The following MAP4K4 variants were observed in gnomAD, a reference collection of about 807,000 sequenced individuals.
The protein encoded by MAP4K4 is mitogen-activated protein kinase kinase kinase kinase 4.
In MAP4K4, 38 loss-of-function variants were observed where a neutral mutation model predicts 189.6. That is an observed-to-expected ratio of 0.20 (90% confidence interval 0.15 to 0.26). The LOEUF (loss-of-function observed/expected upper bound fraction) is 0.26, where lower values mean the gene tolerates loss of function less well. MAP4K4 is among the 10% of genes least tolerant of loss of function. MAP4K4 has a pLI of 1.00. For missense variants in MAP4K4, 1,054 were observed against 1,726.9 expected (o/e 0.61, Z 6.91); for synonymous variants, 610 against 624.3 (o/e 0.98, Z 0.34).
At chr2:101,797,848 G>C (rs1487396005) in intron 3 of MAP4K4, among the ~76,000 whole-genome samples, 2 of 117,126 alleles carry the variant, frequency 1.7e-5, no homozygotes, top group African/African-American at 3.3e-5. Flanking sequence ...CCGTTTTTTT[G>C]ACTGTCTCCT....
At chr2:101,767,683 A>T (rs1190028178) in intron 2 of MAP4K4, among the ~76,000 whole-genome samples, 1 of 152,216 alleles carries the variant, frequency 6.6e-6, no homozygotes, top group Non-Finnish European at 1.5e-5. Context: ...CTCAGCAGGC[A>T]GAGTTCATGC....
At chr2:101,796,347 A>G (rs1219859857) in intron 3 of MAP4K4, among the ~76,000 whole-genome samples, 1 of 152,120 alleles carries the variant, frequency 6.6e-6, no homozygotes, top group African/African-American at 2.4e-5. Context: ...AAAAAATTCT[A>G]ATGCACCTTT....
chr2:101,812,985 T>C (rs1028218183), intron 3 of MAP4K4, among the ~76,000 whole-genome samples: 6 of 152,020 alleles, frequency 3.9e-5, no homozygotes, highest in Admixed American at 1.3e-4. Flanking sequence ...AAAAATTAGC[T>C]GGGCACGGTG....
At chr2:101,770,073 CTTCA>C (rs1204753001) in intron 2 of MAP4K4, among the ~76,000 whole-genome samples, 6 of 152,158 alleles carry the variant, frequency 3.9e-5, no homozygotes, top group South Asian at 2.1e-4. Context: ...GATGAGCTCA[CTTCA>C]TTCATATCTC....
intron 3 of MAP4K4, among the ~76,000 whole-genome samples, chr2:101,806,531 G>C (rs1009244275): frequency 1.4e-4 from 21 of 151,928 alleles, no homozygotes; most frequent in African/African-American, 5.1e-4. Flanking sequence ...ACGTGCCACC[G>C]TGCCCGGCTT....
intron 2 of MAP4K4, among the ~76,000 whole-genome samples, chr2:101,765,218 G>T (rs1373029746): frequency 6.6e-6 from 1 of 152,158 alleles, no homozygotes; most frequent in Non-Finnish European, 1.5e-5. Flanking sequence ...GGAGGAAGGG[G>T]TATTGGGAAT....
intron 2 of MAP4K4, among the ~76,000 whole-genome samples, chr2:101,700,263 G>T (rs545843078): frequency 6.6e-6 from 1 of 152,330 alleles, no homozygotes; most frequent in African/African-American, 2.4e-5. Flanking sequence ...TATGGTAAGA[G>T]TTTAGTCAGG....
rs943554182 is a variant in MAP4K4, at chr2:101,747,738, A to C, written c.124-42982A>C. Among the ~76,000 whole-genome samples the C allele has an allele frequency of 2.6e-5, 4 of 152,182 alleles. No individual in the cohort carries two copies. The East Asian group carries it at 7.7e-4, about 29-fold the overall frequency. ...TAGAGATTAGAAAAGCTCTCTGAGG[A>C]AAAAATTAACCAGCAAACAAACAAA... is the stretch of plus-strand genomic sequence containing the variant. On this transcript the variant is annotated intron_variant, in intron 2 of 32. Transcript: ENST00000324219.
intron 22 of MAP4K4, 62 bp downstream of exon 22, chr2:101,869,859 G>A: frequency 6.8e-7 from 1 of 1,462,460 alleles, no homozygotes; most frequent in Non-Finnish European, 9.0e-7. Flanking sequence ...CTTTCCACTG[G>A]GACCTAGTTG....
chr2:101,756,708 C>A (rs1430006568), intron 2 of MAP4K4, among the ~76,000 whole-genome samples: 4 of 151,478 alleles, frequency 2.6e-5, no homozygotes, highest in Non-Finnish European at 5.9e-5. Flanking sequence ...GCGCGCATCA[C>A]CATGCCCAGC....
chr2:101,769,910 C>G (rs891721735), intron 2 of MAP4K4, among the ~76,000 whole-genome samples: 2 of 152,058 alleles, frequency 1.3e-5, no homozygotes, highest in African/African-American at 4.8e-5. Context: ...TGGTTTTGAG[C>G]CATTTGTTGG....
At chr2:101,845,607 G>A (rs2097080693) in intron 12 of MAP4K4, among the ~76,000 whole-genome samples, 1 of 152,146 alleles carries the variant, frequency 6.6e-6, no homozygotes, top group Non-Finnish European at 1.5e-5. Context: ...ACAATGGTAA[G>A]TATTTGTATA....
rs138539232 is a variant in MAP4K4 at position 101,782,546 on chromosome 2, G to A, written c.124-8174G>A. Among the ~76,000 whole-genome samples, 997 of 152,298 alleles carry A rather than the reference G, an allele frequency of 6.5e-3. 13 individuals carry two copies. Among genetic ancestry groups the A allele is most frequent in the Admixed American group, 0.016 (245 of 15,292 alleles). On this transcript the variant is annotated intron_variant, in intron 2 of 32. Transcript: ENST00000324219. ...ACAGAAGGAAGGGAGAAGTAGATAA[G>A]AAATAGTAGTTATGAGGATGAAACG... is the stretch of plus-strand genomic sequence containing the variant.
exon 22 of MAP4K4, chr2:101,869,790 A>C (rs1469469405): frequency 6.4e-7 from 1 of 1,560,368 alleles, no homozygotes; most frequent in African/African-American, 1.4e-5. Flanking sequence ...AGAGGACACC[A>C]GAGCAGCGTC....
intron 10 of MAP4K4, 111 bp from the exon 11 acceptor site, chr2:101,842,498 T>A: frequency 1.4e-6 from 1 of 694,910 alleles, no homozygotes; most frequent in Non-Finnish European, 2.4e-6. Context: ...GTTGCTGTTT[T>A]CACAGGGAAC....
At chr2:101,891,017 C>T in intron 32 of MAP4K4, 149 bp from the exon 33 acceptor site, 3 of 639,068 alleles carry the variant, frequency 4.7e-6, no homozygotes, top group Non-Finnish European at 8.5e-6. Context: ...AGCCACTGCA[C>T]CTGGCCTCAG....
chr2:101,745,006 C>A (rs765468164), intron 2 of MAP4K4, among the ~76,000 whole-genome samples: 3 of 152,108 alleles, frequency 2.0e-5, no homozygotes, highest in Non-Finnish European at 4.4e-5. Context: ...GTTGATGGTG[C>A]AGCATCACCT....
At chr2:101,775,582 G>T (rs2083654737) in intron 2 of MAP4K4, among the ~76,000 whole-genome samples, 1 of 152,102 alleles carries the variant, frequency 6.6e-6, no homozygotes, top group Admixed American at 6.5e-5. Context: ...GGCCTGCTGT[G>T]TGCAGGCCCT....
intron 2 of MAP4K4, among the ~76,000 whole-genome samples, chr2:101,734,467 T>A (rs1478662251): frequency 6.6e-6 from 1 of 152,240 alleles, no homozygotes; most frequent in Non-Finnish European, 1.5e-5. Flanking sequence ...TAATTATCCT[T>A]ATTACACTGC....
Sources: gnomAD v4.1 joint callset for allele counts (sites outside exome capture counted in the v4.1 genomes callset) on GRCh38, gnomAD v4.1.1 for gene constraint, MANE v1.5 for transcripts, NCBI Gene and HGNC (gene_info 2026-07-23, HGNC 2026-07-21) for gene names.